Variants in AKT1S1 observed in about 807,000 individuals in gnomAD.
AKT1S1 encodes proline-rich AKT1 substrate 1.
In AKT1S1, 17 loss-of-function variants were observed where a neutral mutation model predicts 21.2. That is an observed-to-expected ratio of 0.80 (90% confidence interval 0.55 to 1.20). AKT1S1 has a LOEUF of 1.20. Among genes scored for constraint, AKT1S1 ranks in the 50% most tolerant of loss-of-function variants. AKT1S1 has a pLI of 0.00. For missense variants in AKT1S1, 366 were observed against 368.3 expected (o/e 0.99, Z 0.05); for synonymous variants, 181 against 165.6 (o/e 1.09, Z -0.72).
chr19:49,877,605 C>A (rs879387047), upstream of AKT1S1: 157 of 1,145,978 alleles, frequency 1.4e-4, 1 homozygote, highest in Non-Finnish European at 1.9e-4. Flanking sequence ...CGCTCCTTCT[C>A]TAGAACGGGT....
At chr19:49,876,821 G>A (rs2074952952) in intron 1 of AKT1S1, 3 of 706,362 alleles carry the variant, frequency 4.2e-6, no homozygotes, top group African/African-American at 1.9e-5. Flanking sequence ...GCCCCGCCTA[G>A]AGCATTTCCA....
chr19:49,872,134 C>A (rs961435106), intron 2 of AKT1S1, among the ~76,000 whole-genome samples: 1 of 152,232 alleles, frequency 6.6e-6, no homozygotes, highest in Non-Finnish European at 1.5e-5. Context: ...TAACATGAAA[C>A]CTCTACGATC....
At chr19:49,877,807 C>T, upstream of AKT1S1, 1 of 1,536,432 alleles carries the variant, frequency 6.5e-7, no homozygotes, top group Non-Finnish European at 8.8e-7. Context: ...TAGTGATCAG[C>T]TCTTCTCTCA....
In AKT1S1 at chr19:49,869,070, G is replaced by A. The variant is rs1376964820; in HGVS notation, c.*847C>T. 2.6e-5 allele frequency: 4 copies of A among 152,662 alleles called. No homozygotes were observed. The highest frequency in any genetic ancestry group is 5.9e-5 in the Non-Finnish European group (4 of 68,040). 9.5% of individuals were successfully genotyped at this position (152,662 alleles called of 1,614,324 possible). A position where few individuals can be genotyped will look rare whatever the true frequency, so the allele number is the denominator to read the frequency against. On this transcript the variant is annotated 3_prime_UTR_variant, in exon 5 of 5. Transcript: ENST00000344175. ...TCAGAGGTAAAACTCTTTAATCTCA[G>A]AGCGCCCCTCCCAACTGCCGATCCC...
At chr19:49,878,134 C>G (rs755508077), upstream of AKT1S1, 48 of 1,570,400 alleles carry the variant, frequency 3.1e-5, no homozygotes, top group Admixed American at 5.4e-4. Context: ...CTGGTTCCCC[C>G]CAACTCAGGT....
intron 1 of AKT1S1, chr19:49,875,897 T>C: frequency 1.0e-6 from 1 of 985,426 alleles, no homozygotes; most frequent in South Asian, 4.7e-5. Flanking sequence ...GAGGAGGTCC[T>C]GTTTCCTCCA....
Position 49,873,430 on chromosome 19 carries a change from G to T in AKT1S1, c.-7-128C>A. 3 of 1,354,490 alleles carry T rather than the reference G, an allele frequency of 2.2e-6. No homozygotes were observed. Among genetic ancestry groups the T allele is most frequent in the Non-Finnish European group, 2.8e-6 (3 of 1,057,310 alleles). 83.9% of individuals were successfully genotyped at this position (1,354,490 alleles called of 1,614,324 possible). The stretch of plus-strand genomic sequence containing the variant: ...CCACCCACCTTGTCCCAGCGGTGCT[G>T]TGTGTCCTCCCCAAACCTGCTACTC... On this transcript the variant is annotated intron_variant, in intron 1 of 4. Coordinates refer to ENST00000344175, the MANE Select transcript of AKT1S1 (RefSeq NM_001098633.4). This position sits in a 1 kb window ranked among gnomAD's most constrained non-coding sequence, Gnocchi z 6.9.
chr19:49,869,925 T>C lies in AKT1S1; in HGVS notation c.763A>G (p.Lys255Glu). 1 of 1,523,686 alleles carries C rather than the reference T, an allele frequency of 6.6e-7. No homozygotes were observed. Among genetic ancestry groups the C allele is most frequent in the Non-Finnish European group, 8.9e-7 (1 of 1,127,372 alleles). The allele number at this position is 1,523,686 out of a possible 1,614,324, so 94.4% of individuals were successfully genotyped here. ...NTSDFQKLKRKY is the reference protein window; with the variant it reads ...NTSDFQKLKREY ...CGCTCCCTCCCTGGACTTCAATATT[T>C]CCGCTTCAGCTTCTGGAAGTCGCTG... Residue 255 changes from lysine to glutamate, a missense_variant, in exon 5 of 5, where the codon AAA becomes GAA. By Grantham distance (56) the Lys-to-Glu change is moderately conservative. Transcript: ENST00000344175.
In AKT1S1 at chr19:49,873,183, G is replaced by C; in HGVS notation, c.113C>G (p.Pro38Arg). ...ATAGGCACAGGGGCCCGGGCGGGGT[G>C]GTGGCGGCGGGGCCGCGGTCAGCAG... ...LVLLTAAPPP[P>R]PRPGPCAYAA... Residue 38 changes from proline to arginine, a missense_variant, in exon 2 of 5, where the codon CCA becomes CGA. Physicochemically the swap from Pro to Arg is moderately radical, Grantham distance 103. Transcript: ENST00000344175. This position sits in a 1 kb window ranked among gnomAD's most constrained non-coding sequence, Gnocchi z 6.9. 1 of 1,531,904 alleles carries C rather than the reference G, an allele frequency of 6.5e-7. No individual in the cohort carries two copies. Among genetic ancestry groups the C allele is most frequent in the Non-Finnish European group, 8.7e-7 (1 of 1,146,242 alleles). 94.9% of individuals were successfully genotyped at this position (1,531,904 alleles called of 1,614,324 possible). A position where few individuals can be genotyped will look rare whatever the true frequency, so the allele number is the denominator to read the frequency against.
At chr19:49,875,815 G>A (rs906949063) in intron 1 of AKT1S1, 8 of 983,676 alleles carry the variant, frequency 8.1e-6, no homozygotes, top group Non-Finnish European at 4.8e-6. Flanking sequence ...CCAAGGTCCA[G>A]GGGCACCCTG....
At chr19:49,876,780 G>A (rs1444986265) in intron 1 of AKT1S1, 5 of 1,167,164 alleles carry the variant, frequency 4.3e-6, no homozygotes, top group Non-Finnish European at 4.5e-6. Flanking sequence ...CAGTTGACAA[G>A]GGTGACGACA....
intron 1 of AKT1S1, chr19:49,877,017 C>A (rs559708752): frequency 3.9e-6 from 1 of 255,150 alleles, no homozygotes; most frequent in Non-Finnish European, 7.4e-6. Context: ...GCTCTCCCTC[C>A]CTCCAACCTG....
At chr19:49,877,528 G>C (rs1345353422), upstream of AKT1S1, 1 of 557,066 alleles carries the variant, frequency 1.8e-6, no homozygotes, top group Non-Finnish European at 3.1e-6. Flanking sequence ...CAGCGTCTGC[G>C]CCACGTGACT....
In AKT1S1 at chr19:49,876,377, C is replaced by G. The variant is rs957679243; in HGVS notation, c.-8+860G>C. The G allele has an allele frequency of 2.6e-6, 3 of 1,163,684 alleles. No homozygotes were observed. The African/African-American group carries it at 4.8e-5, about 19-fold the overall frequency. 72.1% of individuals were successfully genotyped at this position (1,163,684 alleles called of 1,614,324 possible). On this transcript the variant is annotated intron_variant, in intron 1 of 4. Coordinates refer to ENST00000344175, the MANE Select transcript of AKT1S1 (RefSeq NM_001098633.4). ...GGCCCAGGTAGAGATCCCAGGCGCT[C>G]TGGAACCGCAAGGTGAGACTGTCTA...
chr19:49,876,691 G>C, intron 1 of AKT1S1: 2 of 1,457,820 alleles, frequency 1.4e-6, no homozygotes, highest in Non-Finnish European at 1.8e-6. Context: ...CAGTTGCCCC[G>C]CCTCCTCTCC....
intron 1 of AKT1S1, among the ~76,000 whole-genome samples, chr19:49,875,706 C>T (rs1361403031): frequency 1.3e-5 from 2 of 152,108 alleles, no homozygotes; most frequent in Non-Finnish European, 2.9e-5. Flanking sequence ...GGAGTAGCCA[C>T]GGGATTAAAG....
At chr19:49,874,029 G>C (rs1020878869) in intron 1 of AKT1S1, 2 of 152,298 alleles carry the variant, frequency 1.3e-5, no homozygotes, top group African/African-American at 4.8e-5. Flanking sequence ...GCAGGCCCTG[G>C]AGGCTCTAGG....
At chr19:49,872,737 G>A (rs2074897848) in intron 2 of AKT1S1, among the ~76,000 whole-genome samples, 180 bp downstream of exon 2, 1 of 152,208 alleles carries the variant, frequency 6.6e-6, no homozygotes, top group African/African-American at 2.4e-5. Context: ...AAGGCTCAGA[G>A]CAGGGAAGGG....
At chr19:49,876,625 G>T in intron 1 of AKT1S1, 9 of 1,530,796 alleles carry the variant, frequency 5.9e-6, no homozygotes, top group Non-Finnish European at 7.9e-6. Context: ...AGCATGGCCG[G>T]CCCGGCGCCG....
Sources: gnomAD v4.1 joint callset for allele counts (sites outside exome capture counted in the v4.1 genomes callset) on GRCh38, gnomAD v4.1.1 for gene constraint, Gnocchi (gnomAD v3.1) non-coding constraint, MANE v1.5 for transcripts, NCBI Gene and HGNC (gene_info 2026-07-23, HGNC 2026-07-21) for gene names.